The following PDE4D variants were observed in gnomAD, a reference collection of about 807,000 sequenced individuals.
The protein encoded by PDE4D is 3',5'-cyclic-AMP phosphodiesterase 4D.
In PDE4D, 24 loss-of-function variants were observed where a neutral mutation model predicts 87.4. The ratio of observed to expected loss-of-function variants is 0.27; its 90% CI spans 0.20 to 0.39. PDE4D has a LOEUF of 0.39. Among genes scored for constraint, PDE4D ranks in the 10% least tolerant of loss-of-function variants. PDE4D has a pLI of 1.00. For synonymous variants in PDE4D, 384 were observed against 383.2 expected (o/e 1.00, Z -0.02); for missense variants, 714 against 1,041.0 (o/e 0.69, Z 4.32).
At chr5:59,750,915 C>T (rs1399096154) in intron 1 of PDE4D, among the ~76,000 whole-genome samples, 9 of 135,030 alleles carry the variant, frequency 6.7e-5, no homozygotes, top group African/African-American at 1.7e-4. Flanking sequence ...TTACTCTAGG[C>T]GGCCTGGACA....
At chr5:59,363,885 C>T (rs1029938784) in intron 1 of PDE4D, among the ~76,000 whole-genome samples, 6 of 152,046 alleles carry the variant, frequency 3.9e-5, no homozygotes, top group Non-Finnish European at 7.4e-5. Context: ...AGAGAGGAGG[C>T]CTAGAGTATA....
chr5:60,458,883 A>T (rs1746699852), intron 1 of PDE4D, among the ~76,000 whole-genome samples: 1 of 152,140 alleles, frequency 6.6e-6, no homozygotes, highest in African/African-American at 2.4e-5. Context: ...CCCTAGCGAC[A>T]GTCAAATAAA....
At chr5:60,475,500 C>T (rs76941591) in intron 1 of PDE4D, among the ~76,000 whole-genome samples, 1,614 of 152,142 alleles carry the variant, frequency 0.011, 30 homozygotes, top group African/African-American at 0.036. Flanking sequence ...CATCCTATGA[C>T]GAAAATGGCT....
At chr5:60,189,121 C>T (rs547033372) in intron 1 of PDE4D, among the ~76,000 whole-genome samples, 1 of 152,188 alleles carries the variant, frequency 6.6e-6, no homozygotes, top group South Asian at 2.1e-4. Flanking sequence ...AATTTCGTTA[C>T]GATAGGAGTT....
intron 1 of PDE4D, among the ~76,000 whole-genome samples, chr5:59,580,031 AGCATCCTACATACTTAGCCAGGCT>A (rs1174835373): frequency 6.6e-6 from 1 of 152,224 alleles, no homozygotes. Flanking sequence ...ACATTCAGTA[AGCATCCTACATACTTAGCCAGGCT>A]GCTAAATAAC....
Position 59,001,973 on chromosome 5 carries a change from C to T in PDE4D, c.922-8508G>A, listed in dbSNP as rs77685931. ...ATCCTTGAGTAACCCGGCATGTTCC[C>T]CTATACGGCATCACCTTCCCTCCTT... On this transcript the variant is annotated intron_variant, in intron 6 of 14. Transcript: ENST00000340635. The T allele has an allele frequency of 5.9e-4, 286 of 487,134 alleles. 1 individual carries two copies. The highest frequency in any genetic ancestry group is 5.2e-3 in the African/African-American group (266 of 50,912). The allele number at this position is 487,134 out of a possible 1,614,324, so 30.2% of individuals were successfully genotyped here. A position where few individuals can be genotyped will look rare whatever the true frequency, so the allele number is the denominator to read the frequency against.
At chr5:59,636,577 C>T (rs1476622925) in intron 1 of PDE4D, among the ~76,000 whole-genome samples, 1 of 152,156 alleles carries the variant, frequency 6.6e-6, no homozygotes, top group East Asian at 1.9e-4. Context: ...TGGAACAGAA[C>T]AGAGGCCTCA....
intron 1 of PDE4D, among the ~76,000 whole-genome samples, chr5:59,260,726 A>T (rs977882281): frequency 2.0e-5 from 3 of 151,764 alleles, no homozygotes; most frequent in Admixed American, 6.6e-5. Flanking sequence ...ACCAAAAAAA[A>T]CAAAGCTTCA....
intron 1 of PDE4D, among the ~76,000 whole-genome samples, chr5:60,246,635 C>G (rs1315321079): frequency 6.6e-6 from 1 of 151,252 alleles, no homozygotes; most frequent in Non-Finnish European, 1.5e-5. Context: ...CTTTTTTTAA[C>G]CTTATTTTTT....
chr5:59,927,496 C>T (rs1233555054), intron 3 of PDE4D, among the ~76,000 whole-genome samples: 1 of 152,176 alleles, frequency 6.6e-6, no homozygotes, highest in Non-Finnish European at 1.5e-5. Flanking sequence ...ACTAAATTCT[C>T]ATACTTTAAG....
At chr5:59,568,304 AAAAT>A (rs1205785003) in intron 1 of PDE4D, among the ~76,000 whole-genome samples, 1 of 152,200 alleles carries the variant, frequency 6.6e-6, no homozygotes, top group East Asian at 1.9e-4. Flanking sequence ...ACCTAAGCAT[AAAAT>A]AAATATCCAT....
At chr5:59,279,130 C>G (rs890838726) in intron 1 of PDE4D, among the ~76,000 whole-genome samples, 2 of 152,098 alleles carry the variant, frequency 1.3e-5, no homozygotes, top group African/African-American at 2.4e-5. Flanking sequence ...ATATTCTATA[C>G]TTTCCAATCT....
At chr5:60,435,927 C>T (rs1354620020) in intron 1 of PDE4D, among the ~76,000 whole-genome samples, 3 of 151,968 alleles carry the variant, frequency 2.0e-5, no homozygotes, top group Non-Finnish European at 4.4e-5. Context: ...TTTTTCAGAG[C>T]CTCCAGGGCT....
At chr5:60,024,455 C>G (rs1479709132) in intron 2 of PDE4D, among the ~76,000 whole-genome samples, 3 of 152,178 alleles carry the variant, frequency 2.0e-5, no homozygotes, top group African/African-American at 7.2e-5. Flanking sequence ...TTTAAAATTA[C>G]AGTTTCAATT....
Position 59,493,654 on chromosome 5 carries a change from A to G in PDE4D, c.456-277686T>C, listed in dbSNP as rs115457860. On this transcript the variant is annotated intron_variant, in intron 1 of 14. Transcript: ENST00000340635. ...GCAACTCAGTTTTAGAGACCAAATGATAGGTGTCCTGGTGATTTAAATACA... is the reference window on the plus strand; with the variant it reads ...GCAACTCAGTTTTAGAGACCAAATGGTAGGTGTCCTGGTGATTTAAATACA... 3.1e-3 allele frequency among the ~76,000 whole-genome samples: 473 copies of G among 152,358 alleles called. 1 individual carries two copies. Among genetic ancestry groups the G allele is most frequent in the East Asian group, 0.018 (93 of 5,192 alleles).
intron 3 of PDE4D, among the ~76,000 whole-genome samples, chr5:59,188,712 T>C (rs1467077615): frequency 6.6e-6 from 1 of 152,196 alleles, no homozygotes; most frequent in African/African-American, 2.4e-5. Flanking sequence ...ACTTCGGTTT[T>C]ACCTCCGGAA....
At chr5:59,612,399 T>A (rs905376965) in intron 1 of PDE4D, among the ~76,000 whole-genome samples, 4 of 152,258 alleles carry the variant, frequency 2.6e-5, no homozygotes, top group African/African-American at 9.6e-5. Flanking sequence ...TAATTTATAT[T>A]TTATATAGCC....
In PDE4D at chr5:58,971,146, C is replaced by A. The variant is rs937302649; in HGVS notation, c.*3518G>T. 1.3e-5 allele frequency: 2 copies of A among 152,212 alleles called. No individual in the cohort carries two copies. Among genetic ancestry groups the A allele is most frequent in the African/African-American group, 4.8e-5 (2 of 41,454 alleles). 9.4% of individuals were successfully genotyped at this position (152,212 alleles called of 1,614,324 possible). ...TGTAAAATGCCCAGCCCTAGCTCCA[C>A]TGTTACCTTTCAAATGCAGCAAAAC... On this transcript the variant is annotated 3_prime_UTR_variant, in exon 15 of 15. Transcript: ENST00000340635.
At chr5:60,063,095 G>GAAGAAAGAAAGA (rs34450673) in intron 2 of PDE4D, among the ~76,000 whole-genome samples, 92 of 97,282 alleles carry the variant, frequency 9.5e-4, no homozygotes, top group Admixed American at 1.5e-3. Flanking sequence ...AAGAAAGAAA[G>GAAGAAAGAAAGA]AAGAAAGAAA....
Sources: allele counts gnomAD v4.1 joint callset (sites outside exome capture counted in the v4.1 genomes callset), GRCh38; gene constraint gnomAD v4.1.1; transcripts MANE v1.5; gene names NCBI Gene and HGNC (gene_info 2026-07-23, HGNC 2026-07-21).